Variants in GRIN2A observed in about 807,000 individuals in gnomAD.
GRIN2A encodes the protein glutamate receptor ionotropic, NMDA 2A.
In GRIN2A, 22 loss-of-function variants were observed where a neutral mutation model predicts 113.4. The ratio of observed to expected loss-of-function variants is 0.19; its 90% CI spans 0.14 to 0.28. GRIN2A has a LOEUF of 0.28. Ranked by LOEUF, GRIN2A falls within the 10% of genes least tolerant of loss-of-function variation. The pLI is 1.00. For missense variants in GRIN2A, 1,502 were observed against 1,887.0 expected, an observed-to-expected ratio of 0.80 and a Z score of 3.78; for synonymous variants, 827 against 738.4, an observed-to-expected ratio of 1.12 and a Z score of -1.94.
intron 2 of GRIN2A, among the ~76,000 whole-genome samples, chr16:9,975,748 G>A (rs141440529): frequency 6.6e-6 from 1 of 152,152 alleles, no homozygotes; most frequent in Non-Finnish European, 1.5e-5. Context: ...ACAAAAACAA[G>A]ACCAACTATT....
rs372891471 is a variant in GRIN2A, at chr16:10,073,557, T to C, written c.414+106441A>G. Among the ~76,000 whole-genome samples the C allele has an allele frequency of 3.9e-5, 6 of 152,146 alleles. No individual in the cohort carries two copies. The East Asian group carries it at 7.7e-4, about 20-fold the overall frequency. The stretch of plus-strand genomic sequence containing the variant: ...CCAAAACCAGTACAGCATTAAGAAA[T>C]TCCTAATCTACCGTGATGTGTGAGG... On this transcript the variant is annotated intron_variant, in intron 2 of 12. Transcript: ENST00000330684.
intron 11 of GRIN2A, among the ~76,000 whole-genome samples, chr16:9,796,518 T>C (rs1902993211): frequency 6.6e-6 from 1 of 152,236 alleles, no homozygotes; most frequent in African/African-American, 2.4e-5. Flanking sequence ...TGCAATCCCT[T>C]GACCCTGAAC....
intron 2 of GRIN2A, among the ~76,000 whole-genome samples, chr16:9,975,115 C>G (rs2045749665): frequency 6.6e-6 from 1 of 152,042 alleles, no homozygotes; most frequent in Non-Finnish European, 1.5e-5. Flanking sequence ...TAAGATAATT[C>G]TGCATCTATT....
At chr16:9,880,574 C>T (rs180681828) in intron 4 of GRIN2A, among the ~76,000 whole-genome samples, 2 of 152,158 alleles carry the variant, frequency 1.3e-5, no homozygotes, top group Non-Finnish European at 2.9e-5. Flanking sequence ...GACAGCTCAT[C>T]ATGTCACATA....
intron 2 of GRIN2A, among the ~76,000 whole-genome samples, chr16:10,071,715 T>C (rs1178400764): frequency 2.0e-5 from 3 of 152,214 alleles, no homozygotes; most frequent in Non-Finnish European, 4.4e-5. Flanking sequence ...GCACAGTACC[T>C]GGCTGCTGCT....
At chr16:9,951,948 G>A (rs2045194319) in intron 2 of GRIN2A, among the ~76,000 whole-genome samples, 1 of 152,118 alleles carries the variant, frequency 6.6e-6, no homozygotes, top group African/African-American at 2.4e-5. Context: ...AGGGCTCAGA[G>A]GACAGAGAAG....
intron 2 of GRIN2A, among the ~76,000 whole-genome samples, chr16:10,162,218 T>A (rs555792272): frequency 6.6e-6 from 1 of 152,128 alleles, no homozygotes; most frequent in Non-Finnish European, 1.5e-5. Flanking sequence ...AGGAGCCTAG[T>A]GTCCAGAAAG....
intron 2 of GRIN2A, among the ~76,000 whole-genome samples, chr16:10,173,037 A>G (rs889440023): frequency 3.3e-5 from 5 of 152,152 alleles, no homozygotes; most frequent in Non-Finnish European, 7.4e-5. Flanking sequence ...ACAGCTCTTC[A>G]GGGCCCAAAC....
At chr16:9,805,551 G>A (rs548234184) in intron 10 of GRIN2A, 1 of 152,310 alleles carries the variant, frequency 6.6e-6, no homozygotes, top group African/African-American at 2.4e-5. Flanking sequence ...GGGCAACTGT[G>A]GAACAGGGAA....
chr16:10,127,353 C>T (rs940715873), intron 2 of GRIN2A, among the ~76,000 whole-genome samples: 3 of 152,136 alleles, frequency 2.0e-5, no homozygotes, highest in Non-Finnish European at 4.4e-5. Context: ...TCCTTACCAT[C>T]CTCAAGAACT....
chr16:9,830,480 CAAAAAAA>C (rs71400501), intron 8 of GRIN2A, among the ~76,000 whole-genome samples: 3 of 73,070 alleles, frequency 4.1e-5, no homozygotes, highest in Admixed American at 2.9e-4. Context: ...TCTGCATGGG[CAAAAAAA>C]AAAAAAAAAA....
chr16:9,905,278 A>G lies in GRIN2A; in HGVS notation c.1008-14178T>C, dbSNP rs571842095. On this transcript the variant is annotated intron_variant, in intron 3 of 12. Transcript: ENST00000330684. ...CTAATGTTCCTGTTGCTGTAAGAAC[A>G]TTAGGAGGGGGACCTGACCCATCAG... Among the ~76,000 whole-genome samples, 21 of 152,360 alleles carry G rather than the reference A, an allele frequency of 1.4e-4. No individual in the cohort carries two copies. In the South Asian group the frequency reaches 3.7e-3, roughly 27 times the overall value.
chr16:10,044,696 T>C (rs1456034679), intron 2 of GRIN2A, among the ~76,000 whole-genome samples: 1 of 150,802 alleles, frequency 6.6e-6, no homozygotes, highest in Non-Finnish European at 1.5e-5. Flanking sequence ...CACACGTTTA[T>C]CATTCAAAGG....
At chr16:9,949,228 A>G (rs1425514030) in intron 2 of GRIN2A, among the ~76,000 whole-genome samples, 1 of 152,226 alleles carries the variant, frequency 6.6e-6, no homozygotes, top group African/African-American at 2.4e-5. Flanking sequence ...CTGTACAGTA[A>G]TAGCACACAG....
At chr16:9,993,041 C>A (rs989700142) in intron 2 of GRIN2A, among the ~76,000 whole-genome samples, 1 of 149,868 alleles carries the variant, frequency 6.7e-6, no homozygotes, top group African/African-American at 2.5e-5. Flanking sequence ...CATGGCAAAA[C>A]CTCATCTCTA....
At chr16:9,807,880 T>A (rs2042013379) in intron 10 of GRIN2A, among the ~76,000 whole-genome samples, 1 of 152,196 alleles carries the variant, frequency 6.6e-6, no homozygotes, top group Non-Finnish European at 1.5e-5. Flanking sequence ...GAAAACATAA[T>A]CTGTCTCCTA....
chr16:9,758,846 T>A lies in GRIN2A; in HGVS notation c.*4303A>T, dbSNP rs1207914745. 4.6e-6 allele frequency: 1 copy of A among 216,310 alleles called. No individual in the cohort carries two copies. Among genetic ancestry groups the A allele is most frequent in the Non-Finnish European group, 9.3e-6 (1 of 107,460 alleles). 13.4% of individuals were successfully genotyped at this position (216,310 alleles called of 1,614,324 possible). ...CTGTTCACCAAAAAGAGATGGGGTA[T>A]CTGGAAAGGTCTAATTTTGTCTCCA... On this transcript the variant is annotated 3_prime_UTR_variant, in exon 13 of 13. Transcript: ENST00000330684.
At chr16:10,028,709 A>T (rs1219269360) in intron 2 of GRIN2A, among the ~76,000 whole-genome samples, 1 of 152,230 alleles carries the variant, frequency 6.6e-6, no homozygotes, top group African/African-American at 2.4e-5. Context: ...AGAGGTCAGC[A>T]AACTTTTCTG....
chr16:9,988,407 T>C (rs1288784232), intron 2 of GRIN2A, among the ~76,000 whole-genome samples: 1 of 152,008 alleles, frequency 6.6e-6, no homozygotes, highest in Non-Finnish European at 1.5e-5. Context: ...TTTGAACACA[T>C]CCATACAACC....
Sources: gnomAD v4.1 joint callset for allele counts (sites outside exome capture counted in the v4.1 genomes callset) on GRCh38, gnomAD v4.1.1 for gene constraint, MANE v1.5 for transcripts, NCBI Gene and HGNC (gene_info 2026-07-23, HGNC 2026-07-21) for gene names.